The following CCZ1B variants were observed in gnomAD, a reference collection of about 807,000 sequenced individuals.
CCZ1B encodes vacuolar fusion protein CCZ1 homolog B.
Under a neutral mutation model 58.8 loss-of-function variants are expected in CCZ1B, and 25 were observed. The ratio of observed to expected loss-of-function variants is 0.43; its 90% CI spans 0.31 to 0.59. The LOEUF is 0.59. Among genes scored for constraint, CCZ1B ranks in the 20% least tolerant of loss-of-function variants. CCZ1B has a pLI of 0.12. For synonymous variants in CCZ1B, 66 were observed against 173.2 expected (o/e 0.38, Z 4.86); for missense variants, 180 against 501.5 (o/e 0.36, Z 6.12).
At chr7:6,808,198 G>T (rs1782861828) in intron 10 of CCZ1B, among the ~76,000 whole-genome samples, 1 of 127,010 alleles carries the variant, frequency 7.9e-6, no homozygotes, top group Admixed American at 9.3e-5. Context: ...TGTCTCTGTG[G>T]CCAACCCCCA....
rs753159505 is a variant in CCZ1B at position 6,814,759 on chromosome 7, C to G, written c.780+5G>C. ...AATTGTGTGCAGCTATGGTACCCAT[C>G]ATACCTCAGGTTCGATGTGCCTTGG... is the stretch of plus-strand genomic sequence containing the variant. On this transcript the variant is annotated splice_donor_5th_base_variant and intron_variant, in intron 8 of 14. Transcript: ENST00000316731. 6.2e-7 allele frequency: 1 copy of G among 1,605,274 alleles called. No homozygotes were observed. Among genetic ancestry groups the G allele is most frequent in the Admixed American group, 1.7e-5 (1 of 59,418 alleles).
chr7:6,825,226 T>C (rs1414246975), intron 1 of CCZ1B, among the ~76,000 whole-genome samples: 1 of 147,940 alleles, frequency 6.8e-6, no homozygotes, highest in Admixed American at 6.7e-5. Flanking sequence ...CCCAGCCATT[T>C]GAACTGACAA....
intron 14 of CCZ1B, among the ~76,000 whole-genome samples, chr7:6,800,468 G>A (rs1160848478): frequency 2.2e-5 from 3 of 138,950 alleles, no homozygotes; most frequent in Non-Finnish European, 4.6e-5. Context: ...CAGCCTGTGC[G>A]ACAGAGCAAG....
chr7:6,816,911 A>G lies in CCZ1B; in HGVS notation c.699-2066T>C, dbSNP rs573438678. Among the ~76,000 whole-genome samples the G allele has an allele frequency of 2.7e-4, 41 of 150,006 alleles. 2 individuals are homozygous for G. The highest frequency in any genetic ancestry group is 1.0e-3 in the African/African-American group (40 of 39,952). On this transcript the variant is annotated intron_variant, in intron 7 of 14. Transcript: ENST00000316731. ...GTAGTTGGGACTCTAAGTGCACACCACAATGCCCAGCTAATTTTTTTTTTG... is the reference window on the plus strand; with the variant it reads ...GTAGTTGGGACTCTAAGTGCACACCGCAATGCCCAGCTAATTTTTTTTTTG...
At chr7:6,823,201 C>T in intron 5 of CCZ1B, 112 bp downstream of exon 5, 2 of 1,415,582 alleles carry the variant, frequency 1.4e-6, no homozygotes, top group Non-Finnish European at 1.9e-6. Context: ...TTCTCTAAGA[C>T]AAATACAGAG....
At chr7:6,825,497 A>C (rs1783180953) in intron 1 of CCZ1B, among the ~76,000 whole-genome samples, 1 of 126,646 alleles carries the variant, frequency 7.9e-6, no homozygotes, top group Non-Finnish European at 1.6e-5. Context: ...CAATCCTCCC[A>C]TCTCGGCCTC....
intron 10 of CCZ1B, among the ~76,000 whole-genome samples, chr7:6,809,668 G>A (rs957720156): frequency 1.6e-5 from 2 of 122,018 alleles, no homozygotes; most frequent in African/African-American, 6.9e-5. Flanking sequence ...TGCTCTGCCT[G>A]CAATCTCCCC....
At chr7:6,818,673 GAAAGAAAGAAAGAAAGAAAGACAA>G (rs1783055346) in intron 7 of CCZ1B, among the ~76,000 whole-genome samples, 1 of 76,002 alleles carries the variant, frequency 1.3e-5, no homozygotes, top group South Asian at 7.0e-4. Flanking sequence ...CAGACAGAAA[GAAAGAAAGAAAGAAAGAAAGACAA>G]GAAAGAAAGA....
At chr7:6,809,979 G>A (rs1440859372) in intron 10 of CCZ1B, among the ~76,000 whole-genome samples, 2 of 149,106 alleles carry the variant, frequency 1.3e-5, no homozygotes, top group East Asian at 1.9e-4. Flanking sequence ...GGTGCATGAC[G>A]GTAAACTTTT....
intron 6 of CCZ1B, among the ~76,000 whole-genome samples, chr7:6,821,726 T>TA (rs1401868682): frequency 5.9e-4 from 70 of 119,208 alleles, no homozygotes; most frequent in Non-Finnish European, 1.1e-4. Context: ...TGTTTCCTTT[T>TA]AAAAAAAAAG....
chr7:6,821,736 GAT>G (rs1476877235), intron 6 of CCZ1B, among the ~76,000 whole-genome samples: 3 of 150,740 alleles, frequency 2.0e-5, no homozygotes, highest in African/African-American at 7.4e-5. Flanking sequence ...TAAAAAAAAA[GAT>G]AAACTGAGCT....
chr7:6,815,083 G>A lies in CCZ1B; in HGVS notation c.699-238C>T, dbSNP rs1455446333. ...TAATTCTTAGCATTGAGGTAAATCT[G>A]AATTTACGTGGTATACTTTGTCAAA... On this transcript the variant is annotated intron_variant, in intron 7 of 14. Transcript: ENST00000316731. Among the ~76,000 whole-genome samples the A allele has an allele frequency of 6.1e-5, 9 of 148,704 alleles. 1 individual carries two copies. The highest frequency in any genetic ancestry group is 6.1e-4 in the Admixed American group (9 of 14,874).
intron 10 of CCZ1B, among the ~76,000 whole-genome samples, chr7:6,808,385 A>C (rs1782864551): frequency 1.4e-5 from 1 of 71,944 alleles, no homozygotes; most frequent in South Asian, 7.4e-4. Flanking sequence ...CCAAAAAACC[A>C]AAAAAAAAAA....
intron 8 of CCZ1B, among the ~76,000 whole-genome samples, chr7:6,814,061 G>C (rs1480193305): frequency 6.7e-6 from 1 of 148,796 alleles, no homozygotes; most frequent in Non-Finnish European, 1.5e-5. Context: ...CCGGAGAATT[G>C]TTTGAATCCA....
rs1782813715 is a variant in CCZ1B at position 6,804,879 on chromosome 7, C to T, written c.1106+59G>A. The T allele has an allele frequency of 6.1e-6, 8 of 1,305,918 alleles. 3 individuals carry two copies. The highest frequency in any genetic ancestry group is 6.1e-6 in the Non-Finnish European group (6 of 988,860). 80.9% of individuals were successfully genotyped at this position (1,305,918 alleles called of 1,614,324 possible). ...TACCACCCGTATTTGTAAGTGAAAACTACGTGTATTTCAAAAGCCGTTCAA... is the reference window on the plus strand; with the variant it reads ...TACCACCCGTATTTGTAAGTGAAAATTACGTGTATTTCAAAAGCCGTTCAA... On this transcript the variant is annotated intron_variant, in intron 12 of 14. Transcript: ENST00000316731.
In CCZ1B at chr7:6,799,553, G is replaced by A. The variant is rs1490903414; in HGVS notation, c.1394-274C>T. Among the ~76,000 whole-genome samples the A allele has an allele frequency of 6.7e-5, 3 of 44,462 alleles. 1 individual carries two copies. Among genetic ancestry groups the A allele is most frequent in the South Asian group, 6.0e-3 (2 of 332 alleles). 29.2% of individuals were successfully genotyped at this position (44,462 alleles called of 152,430 possible). A position where few individuals can be genotyped will look rare whatever the true frequency, so the allele number is the denominator to read the frequency against. ...TGGGACTACAGGTGCACACCACCAC[G>A]CCCTGCTAATGTTTGTATTTTTTGG... On this transcript the variant is annotated intron_variant, in intron 14 of 14. Coordinates refer to ENST00000316731, the MANE Select transcript of CCZ1B (RefSeq NM_198097.5).
chr7:6,817,144 C>T (rs1380240623), intron 7 of CCZ1B, among the ~76,000 whole-genome samples: 3 of 152,272 alleles, frequency 2.0e-5, no homozygotes, highest in Non-Finnish European at 4.4e-5. Context: ...CTGGAGGTGA[C>T]AACCGAGCAG....
chr7:6,822,388 A>G (rs759408928), intron 5 of CCZ1B, 24 bp from the exon 6 acceptor site: 5 of 1,582,842 alleles, frequency 3.2e-6, no homozygotes, highest in Middle Eastern at 1.7e-4. Flanking sequence ...AGATTGCAGA[A>G]AAAAAAATCA....
At chr7:6,821,363 C>T (rs781307608) in intron 6 of CCZ1B, among the ~76,000 whole-genome samples, 23 of 151,906 alleles carry the variant, frequency 1.5e-4, no homozygotes, top group Non-Finnish European at 1.5e-4. Flanking sequence ...CTCAGGACAA[C>T]AGTTCTATCC....
Sources: allele counts gnomAD v4.1 joint callset (sites outside exome capture counted in the v4.1 genomes callset), GRCh38; gene constraint gnomAD v4.1.1; transcripts MANE v1.5; gene names NCBI Gene and HGNC (gene_info 2026-07-23, HGNC 2026-07-21).